ADCY8: variants seen among roughly 807,000 people sequenced by gnomAD.
ADCY8 encodes the protein adenylate cyclase type 8.
A neutral mutation model predicts 119.7 loss-of-function variants in ADCY8; 51 were observed. The observed-to-expected ratio is 0.43, with a 90% CI of 0.34 to 0.54. ADCY8 has a LOEUF of 0.54. ADCY8 is among the 20% of genes least tolerant of loss of function. The pLI, the probability that ADCY8 is intolerant of heterozygous loss-of-function variation, is 0.03. For missense variants in ADCY8, 1,383 were observed against 1,598.8 expected, an observed-to-expected ratio of 0.87 and a Z score of 2.30; for synonymous variants, 665 against 651.0, an observed-to-expected ratio of 1.02 and a Z score of -0.33.
intron 12 of ADCY8, among the ~76,000 whole-genome samples, chr8:130,830,755 G>C (rs958478120): frequency 6.6e-6 from 1 of 152,220 alleles, no homozygotes; most frequent in Non-Finnish European, 1.5e-5. Context: ...CCTACAAGGT[G>C]CTGTTAGGAC....
chr8:130,915,707 C>A (rs994023481), intron 5 of ADCY8, among the ~76,000 whole-genome samples: 3 of 152,092 alleles, frequency 2.0e-5, no homozygotes, highest in Non-Finnish European at 4.4e-5. Context: ...GAAGTAATAC[C>A]ATTTTTCAAT....
intron 14 of ADCY8, among the ~76,000 whole-genome samples, chr8:130,808,073 A>AT (rs1452743255): frequency 6.6e-6 from 1 of 151,040 alleles, no homozygotes; most frequent in Non-Finnish European, 1.5e-5. Context: ...CTAAGATACC[A>AT]TTGTAAATAC....
intron 13 of ADCY8, among the ~76,000 whole-genome samples, chr8:130,815,068 C>G (rs1028918636): frequency 1.3e-5 from 2 of 152,158 alleles, no homozygotes; most frequent in Non-Finnish European, 2.9e-5. Flanking sequence ...GATGAGATTA[C>G]TGCCCTTGTA....
At chr8:130,972,347 A>G (rs1163179434) in intron 2 of ADCY8, among the ~76,000 whole-genome samples, 2 of 152,142 alleles carry the variant, frequency 1.3e-5, no homozygotes, top group African/African-American at 4.8e-5. Context: ...ATCTCTCATC[A>G]TGTGTGTTTT....
intron 11 of ADCY8, among the ~76,000 whole-genome samples, chr8:130,838,338 A>G (rs1336191041): frequency 6.6e-6 from 1 of 152,166 alleles, no homozygotes; most frequent in East Asian, 1.9e-4. Context: ...AAGAAATCCA[A>G]TTATTTTCTG....
At chr8:130,787,855 T>A (rs1586411835) in intron 15 of ADCY8, among the ~76,000 whole-genome samples, 1 of 152,108 alleles carries the variant, frequency 6.6e-6, no homozygotes, top group East Asian at 1.9e-4. Context: ...TGTGTAGTCA[T>A]GCACATATAT....
chr8:130,897,405 T>C (rs1367361976), intron 7 of ADCY8, among the ~76,000 whole-genome samples: 2 of 152,070 alleles, frequency 1.3e-5, no homozygotes, highest in Non-Finnish European at 2.9e-5. Context: ...CCTTTTCTTC[T>C]GGTATCAACA....
chr8:130,908,256 C>A (rs1049712881), intron 6 of ADCY8, among the ~76,000 whole-genome samples: 6 of 152,166 alleles, frequency 3.9e-5, no homozygotes, highest in Non-Finnish European at 5.9e-5. Context: ...AGTATATGGG[C>A]AATTCCCCAT....
chr8:130,858,987 G>T (rs766033635), intron 9 of ADCY8, among the ~76,000 whole-genome samples: 2 of 151,478 alleles, frequency 1.3e-5, no homozygotes, highest in African/African-American at 2.4e-5. Flanking sequence ...CTACAAGATC[G>T]CCAAGGCTAA....
chr8:131,029,021 T>C (rs1056009826), intron 1 of ADCY8, among the ~76,000 whole-genome samples: 1 of 152,188 alleles, frequency 6.6e-6, no homozygotes, highest in African/African-American at 2.4e-5. Context: ...GCAGGGCAAA[T>C]GAGTGAAGCT....
At chr8:130,910,767 C>T (rs566321374) in intron 5 of ADCY8, among the ~76,000 whole-genome samples, 58 of 152,300 alleles carry the variant, frequency 3.8e-4, no homozygotes, top group Non-Finnish European at 4.4e-5. Context: ...ATGGAGGAGG[C>T]ATCTTGAGAA....
chr8:130,977,311 A>C (rs1387176033), intron 2 of ADCY8, among the ~76,000 whole-genome samples: 1 of 152,246 alleles, frequency 6.6e-6, no homozygotes, highest in East Asian at 1.9e-4. Flanking sequence ...CGAAAAACAG[A>C]AAATATCAGA....
chr8:130,853,983 T>A (rs1035605717), intron 9 of ADCY8, among the ~76,000 whole-genome samples: 4 of 152,210 alleles, frequency 2.6e-5, no homozygotes, highest in African/African-American at 9.7e-5. Context: ...GAAATGTTAG[T>A]TCTCTTTCTC....
At chr8:131,034,609 G>A (rs1474659141) in intron 1 of ADCY8, among the ~76,000 whole-genome samples, 2 of 152,106 alleles carry the variant, frequency 1.3e-5, no homozygotes, top group African/African-American at 2.4e-5. Context: ...AGAAAATGTT[G>A]CATGAGGAAT....
At chr8:130,978,961 A>T (rs1435518174) in intron 2 of ADCY8, among the ~76,000 whole-genome samples, 5 of 152,158 alleles carry the variant, frequency 3.3e-5, no homozygotes, top group African/African-American at 9.7e-5. Context: ...AGCGTACTAG[A>T]TGGCCCCTGG....
At chr8:130,960,901 C>T (rs1270222360) in intron 2 of ADCY8, among the ~76,000 whole-genome samples, 1 of 152,110 alleles carries the variant, frequency 6.6e-6, no homozygotes, top group Non-Finnish European at 1.5e-5. Context: ...CATAGATTGC[C>T]TGACTTAGTT....
chr8:130,861,394 T>C (rs986500292), intron 9 of ADCY8, among the ~76,000 whole-genome samples: 2 of 152,216 alleles, frequency 1.3e-5, no homozygotes, highest in Admixed American at 1.3e-4. Flanking sequence ...TGAAGATTTC[T>C]TGTACAAATT....
At chr8:130,798,391 C>T (rs555272062) in intron 15 of ADCY8, among the ~76,000 whole-genome samples, 46 of 152,210 alleles carry the variant, frequency 3.0e-4, no homozygotes, top group African/African-American at 8.4e-4. Flanking sequence ...GTCATGGAGT[C>T]GAGGGAGAGA....
At chr8:130,960,536 C>T (rs148018181) in intron 2 of ADCY8, among the ~76,000 whole-genome samples, 2 of 151,954 alleles carry the variant, frequency 1.3e-5, no homozygotes, top group African/African-American at 2.4e-5. Context: ...TTGCACAGAG[C>T]AAGAGGGTTT....
Sources: gnomAD v4.1 joint callset for allele counts (sites outside exome capture counted in the v4.1 genomes callset) on GRCh38, gnomAD v4.1.1 for gene constraint, MANE v1.5 for transcripts, NCBI Gene and HGNC (gene_info 2026-07-23, HGNC 2026-07-21) for gene names.